Variants in RNGTT observed in about 807,000 individuals in gnomAD.
RNGTT encodes RNA guanylyltransferase and 5'-phosphatase, also known as mRNA-capping enzyme.
In RNGTT, 33 loss-of-function variants were observed where a neutral mutation model predicts 79.3. The ratio of observed to expected loss-of-function variants is 0.42; its 90% CI spans 0.32 to 0.56. The LOEUF is 0.56. Ranked by LOEUF, RNGTT falls within the 20% of genes least tolerant of loss-of-function variation. The pLI is 0.17. For synonymous variants in RNGTT, 222 were observed against 235.9 expected (o/e 0.94, Z 0.54); for missense variants, 497 against 739.1 (o/e 0.67, Z 3.80).
chr6:88,650,546 G>T (rs953301952), intron 14 of RNGTT, among the ~76,000 whole-genome samples: 5 of 151,380 alleles, frequency 3.3e-5, no homozygotes, highest in African/African-American at 1.2e-4. Flanking sequence ...CTCAACTTTG[G>T]GCAAAAAAAT....
chr6:88,941,008 C>T (rs1177155904), intron 2 of RNGTT, 63 bp downstream of exon 2: 1 of 910,642 alleles, frequency 1.1e-6, no homozygotes, highest in South Asian at 1.7e-5. Context: ...TTAAAAGCCA[C>T]CTGAAGAACA....
chr6:88,853,509 A>T (rs1781741894), intron 9 of RNGTT, 120 bp downstream of exon 9: 9 of 774,468 alleles, frequency 1.2e-5, no homozygotes, highest in Non-Finnish European at 1.8e-5. Flanking sequence ...CGTCTCAAAA[A>T]AAAAAAAAAA....
intron 1 of RNGTT, among the ~76,000 whole-genome samples, chr6:88,946,425 G>A (rs547967325): frequency 1.3e-5 from 2 of 151,644 alleles, no homozygotes; most frequent in East Asian, 2.0e-4. Context: ...CAATAATATT[G>A]AAATTAGGCC....
At chr6:88,717,106 C>T (rs185140460) in intron 13 of RNGTT, among the ~76,000 whole-genome samples, 1 of 152,250 alleles carries the variant, frequency 6.6e-6, no homozygotes, top group Admixed American at 6.5e-5. Flanking sequence ...TCCACTGGCT[C>T]CACAAAGGAG....
intron 13 of RNGTT, among the ~76,000 whole-genome samples, chr6:88,699,339 G>A (rs1046018134): frequency 3.9e-5 from 6 of 152,116 alleles, no homozygotes; most frequent in East Asian, 1.9e-4. Flanking sequence ...GTACACCAAT[G>A]TTCACTGTAG....
At position 88,794,147 on chromosome 6, in the gene RNGTT, CTGTT is replaced by C. The variant is rs968940108; in HGVS notation, c.1338+7413_1338+7416del. ...GAATCAAAAAGATATTCAGTGGTGT[CTGTT>C]TGTTTGTTTGTTTAACCAGAGACCA... On this transcript the variant is annotated intron_variant, in intron 12 of 15. Transcript: ENST00000369485. Among the ~76,000 whole-genome samples, 13 of 152,184 alleles carry C rather than the reference CTGTT, an allele frequency of 8.5e-5. No homozygotes were observed. The South Asian group carries it at 2.3e-3, about 27-fold the overall frequency.
intron 14 of RNGTT, among the ~76,000 whole-genome samples, chr6:88,654,170 G>A (rs1172321165): frequency 6.6e-6 from 1 of 151,996 alleles, no homozygotes; most frequent in Non-Finnish European, 1.5e-5. Flanking sequence ...TGGAAGTAGG[G>A]AGAATTTAGT....
At chr6:88,953,263 G>A (rs1365186998) in intron 1 of RNGTT, among the ~76,000 whole-genome samples, 1 of 152,012 alleles carries the variant, frequency 6.6e-6, no homozygotes, top group Non-Finnish European at 1.5e-5. Flanking sequence ...GAGAAATAGA[G>A]ATCATAAAGA....
At chr6:88,870,507 A>C (rs1227579424) in intron 8 of RNGTT, among the ~76,000 whole-genome samples, 4 of 150,712 alleles carry the variant, frequency 2.7e-5, no homozygotes, top group African/African-American at 9.8e-5. Flanking sequence ...AACACAATTA[A>C]GAGCAAAAAA....
rs60840067 is a variant in RNGTT, at chr6:88,702,817, T to C, written c.1440-24398A>G. On this transcript the variant is annotated intron_variant, in intron 13 of 15. Coordinates refer to ENST00000369485, the MANE Select transcript of RNGTT (RefSeq NM_003800.5). ...AACTATGCATCCAACAAAGGTCTAA[T>C]ATCCGGAATCTATCAGTAACTGAAA... 2.9e-3 allele frequency among the ~76,000 whole-genome samples: 441 copies of C among 152,246 alleles called. 1 individual carries two copies. Among genetic ancestry groups the C allele is most frequent in the African/African-American group, 1.0e-2 (415 of 41,536 alleles).
intron 14 of RNGTT, among the ~76,000 whole-genome samples, chr6:88,623,600 T>C (rs1582245192): frequency 6.6e-6 from 1 of 152,142 alleles, no homozygotes; most frequent in East Asian, 1.9e-4. Context: ...TAGTCCAACC[T>C]ATCACAGTGT....
At chr6:88,911,298 T>C (rs567787912) in intron 4 of RNGTT, among the ~76,000 whole-genome samples, 64 of 152,264 alleles carry the variant, frequency 4.2e-4, no homozygotes, top group Non-Finnish European at 6.8e-4. Context: ...AGATCTATCA[T>C]GCAAATGAAA....
intron 4 of RNGTT, among the ~76,000 whole-genome samples, chr6:88,909,885 C>T (rs1049210448): frequency 6.6e-6 from 1 of 151,988 alleles, no homozygotes; most frequent in Non-Finnish European, 1.5e-5. Context: ...AGAGCCTTGG[C>T]CCTCTGAAAG....
chr6:88,767,284 A>G (rs1165143454), intron 13 of RNGTT, among the ~76,000 whole-genome samples: 1 of 152,286 alleles, frequency 6.6e-6, no homozygotes, highest in Admixed American at 6.5e-5. Flanking sequence ...GGAAGAAGAC[A>G]TTAAATAGGT....
chr6:88,854,265 T>C (rs1344646216), intron 8 of RNGTT, among the ~76,000 whole-genome samples: 1 of 152,118 alleles, frequency 6.6e-6, no homozygotes, highest in Non-Finnish European at 1.5e-5. Context: ...TTTCATTTCC[T>C]ATAGAAAACA....
intron 4 of RNGTT, among the ~76,000 whole-genome samples, chr6:88,907,181 A>T (rs1013969563): frequency 3.3e-5 from 5 of 152,208 alleles, no homozygotes; most frequent in Non-Finnish European, 5.9e-5. Flanking sequence ...ATTCAAGATC[A>T]TTTTAACTAC....
intron 13 of RNGTT, among the ~76,000 whole-genome samples, chr6:88,738,962 T>C (rs892690565): frequency 6.6e-6 from 1 of 152,026 alleles, no homozygotes; most frequent in Non-Finnish European, 1.5e-5. Context: ...ATTCTTAATG[T>C]AAAATAATTA....
chr6:88,759,794 T>C lies in RNGTT; in HGVS notation c.1439+9980A>G, dbSNP rs571941972. Among the ~76,000 whole-genome samples, 4 of 152,268 alleles carry C rather than the reference T, an allele frequency of 2.6e-5. No homozygotes were observed. In the East Asian group the frequency reaches 7.7e-4, roughly 29 times the overall value. On this transcript the variant is annotated intron_variant, in intron 13 of 15. Transcript: ENST00000369485. ...AAAGGAGTTCAAGATTTGTTTGCAG[T>C]TCTTCCCATCTCATCTCTCATGAGG...
chr6:88,949,514 G>A (rs552970415), intron 1 of RNGTT, among the ~76,000 whole-genome samples: 42 of 151,986 alleles, frequency 2.8e-4, no homozygotes, highest in African/African-American at 8.7e-4. Context: ...CACCCACCTC[G>A]GCCTCCCAAA....
Sources: gnomAD v4.1 joint callset for allele counts (sites outside exome capture counted in the v4.1 genomes callset) on GRCh38, gnomAD v4.1.1 for gene constraint, MANE v1.5 for transcripts, NCBI Gene and HGNC (gene_info 2026-07-23, HGNC 2026-07-21) for gene names.